The following LDLRAD3 variants were observed in gnomAD, a reference collection of about 807,000 sequenced individuals.
The protein encoded by LDLRAD3 is low-density lipoprotein receptor class A domain-containing protein 3.
In LDLRAD3, 20 loss-of-function variants were observed where a neutral mutation model predicts 29.4. The ratio of observed to expected loss-of-function variants is 0.68; its 90% CI spans 0.48 to 0.99. The LOEUF (loss-of-function observed/expected upper bound fraction) is 0.99, where lower values mean the gene tolerates loss of function less well. Among genes scored for constraint, LDLRAD3 ranks in the 50% least tolerant of loss-of-function variants. LDLRAD3 has a pLI of 0.00. For missense variants in LDLRAD3, 420 were observed against 454.3 expected (o/e 0.92, Z 0.69); for synonymous variants, 157 against 192.7 (o/e 0.81, Z 1.53).
intron 4 of LDLRAD3, among the ~76,000 whole-genome samples, chr11:36,180,282 G>A (rs1331123929): frequency 6.6e-6 from 1 of 150,468 alleles, no homozygotes; most frequent in Non-Finnish European, 1.5e-5. Context: ...AGTTGCAGAG[G>A]TCACAACTGC....
chr11:36,119,317 T>C (rs1434457314), intron 4 of LDLRAD3, among the ~76,000 whole-genome samples: 3 of 152,232 alleles, frequency 2.0e-5, no homozygotes, highest in Non-Finnish European at 4.4e-5. Flanking sequence ...TCATTTCTCA[T>C]GAGTTTATAC....
intron 4 of LDLRAD3, among the ~76,000 whole-genome samples, chr11:36,159,228 A>G (rs1355844404): frequency 6.6e-6 from 1 of 152,166 alleles, no homozygotes; most frequent in Non-Finnish European, 1.5e-5. Flanking sequence ...AGCACTTAGG[A>G]CACGAAGGCC....
At chr11:36,129,374 C>G (rs1853890709) in intron 4 of LDLRAD3, among the ~76,000 whole-genome samples, 1 of 152,124 alleles carries the variant, frequency 6.6e-6, no homozygotes. Context: ...GTCTGGGATT[C>G]CCTGTGAAAT....
intron 4 of LDLRAD3, among the ~76,000 whole-genome samples, chr11:36,155,560 A>T (rs1854336129): frequency 6.6e-6 from 1 of 152,224 alleles, no homozygotes; most frequent in Non-Finnish European, 1.5e-5. Flanking sequence ...GACCTTGAGC[A>T]AGTGGCTTAA....
chr11:36,116,493 C>A (rs1768835586), intron 4 of LDLRAD3, among the ~76,000 whole-genome samples: 1 of 152,042 alleles, frequency 6.6e-6, no homozygotes, highest in Non-Finnish European at 1.5e-5. Flanking sequence ...TATAATAACT[C>A]CCCCAATTGT....
intron 4 of LDLRAD3, among the ~76,000 whole-genome samples, chr11:36,157,305 T>C (rs1854368398): frequency 6.6e-6 from 1 of 152,054 alleles, no homozygotes; most frequent in African/African-American, 2.4e-5. Flanking sequence ...GTCCAAAAAC[T>C]CAAAATGAGT....
At chr11:36,177,988 G>T (rs1854703586) in intron 4 of LDLRAD3, among the ~76,000 whole-genome samples, 1 of 152,164 alleles carries the variant, frequency 6.6e-6, no homozygotes, top group African/African-American at 2.4e-5. Flanking sequence ...CATGGAGTTT[G>T]CAGTGGCAAG....
At chr11:36,087,043 G>A (rs1853206679) in intron 3 of LDLRAD3, among the ~76,000 whole-genome samples, 2 of 152,144 alleles carry the variant, frequency 1.3e-5, no homozygotes, top group African/African-American at 2.4e-5. Flanking sequence ...TTCAGGGACA[G>A]GGGAATATGT....
intron 1 of LDLRAD3, among the ~76,000 whole-genome samples, chr11:35,960,263 A>G (rs1401690915): frequency 2.0e-5 from 3 of 152,220 alleles, no homozygotes; most frequent in Admixed American, 2.0e-4. Flanking sequence ...ATATCCTATT[A>G]TATGAATATA....
At chr11:36,113,298 T>C (rs1275577085) in intron 4 of LDLRAD3, among the ~76,000 whole-genome samples, 2 of 152,066 alleles carry the variant, frequency 1.3e-5, no homozygotes, top group Non-Finnish European at 2.9e-5. Context: ...AAAAGATCTC[T>C]CACTTGGAAT....
chr11:36,025,774 A>ATTTTTTTTTTTTTTTTTTTTTTTTTTTG (rs754006718), intron 1 of LDLRAD3, among the ~76,000 whole-genome samples: 1 of 84,416 alleles, frequency 1.2e-5, no homozygotes, highest in Non-Finnish European at 2.3e-5. Context: ...CCTGAATTTG[A>ATTTTTTTTTTTTTTTTTTTTTTTTTTTG]TTTTTTTTTT....
chr11:35,953,767 G>A (rs1851167305), intron 1 of LDLRAD3, among the ~76,000 whole-genome samples: 1 of 151,904 alleles, frequency 6.6e-6, no homozygotes, highest in African/African-American at 2.4e-5. Context: ...AGCAACATAG[G>A]GTATTTCATC....
At chr11:36,023,026 C>T (rs1027725836) in intron 1 of LDLRAD3, among the ~76,000 whole-genome samples, 7 of 152,176 alleles carry the variant, frequency 4.6e-5, no homozygotes, top group Non-Finnish European at 7.3e-5. Context: ...GGCCTGTCGT[C>T]GTGCTCAGGA....
chr11:36,107,935 A>G (rs1323583513), intron 4 of LDLRAD3, among the ~76,000 whole-genome samples: 3 of 152,216 alleles, frequency 2.0e-5, no homozygotes, highest in East Asian at 1.9e-4. Context: ...AATGCCATCT[A>G]TTGTAAGAGC....
chr11:36,020,116 G>T (rs1245313657), intron 1 of LDLRAD3, among the ~76,000 whole-genome samples: 1 of 152,122 alleles, frequency 6.6e-6, no homozygotes, highest in Non-Finnish European at 1.5e-5. Context: ...ACCTGCCAAA[G>T]TTGCAGTATG....
At chr11:36,095,022 C>A (rs1238950094) in intron 3 of LDLRAD3, among the ~76,000 whole-genome samples, 1 of 151,548 alleles carries the variant, frequency 6.6e-6, no homozygotes, top group African/African-American at 2.4e-5. Flanking sequence ...CCTGTCTCTA[C>A]AAAACATTAA....
At chr11:36,039,350 C>T (rs929647219) in intron 2 of LDLRAD3, among the ~76,000 whole-genome samples, 10 of 152,136 alleles carry the variant, frequency 6.6e-5, no homozygotes, top group Middle Eastern at 3.2e-3. Flanking sequence ...AAAATCAGAG[C>T]CCTTCTTCCC....
rs1006076363 is a variant in LDLRAD3, at chr11:36,066,386, G to A, written c.194-15267G>A. ...GTAGTGAAAAGCCTCCAGAGGCTCA[G>A]TTACCTAACCCACATTTATTTATTA... On this transcript the variant is annotated intron_variant, in intron 2 of 5. Coordinates refer to ENST00000315571, the MANE Select transcript of LDLRAD3 (RefSeq NM_174902.4). 3.9e-5 allele frequency among the ~76,000 whole-genome samples: 6 copies of A among 152,268 alleles called. No homozygotes were observed. In the South Asian group the frequency reaches 1.2e-3, roughly 32 times the overall value.
chr11:36,043,174 T>C (rs1852404444), intron 2 of LDLRAD3, among the ~76,000 whole-genome samples: 1 of 152,140 alleles, frequency 6.6e-6, no homozygotes, highest in South Asian at 2.1e-4. Context: ...TAGCTAGATG[T>C]GTTGGCGGGA....
Sources: gnomAD v4.1 joint callset for allele counts (sites outside exome capture counted in the v4.1 genomes callset) on GRCh38, gnomAD v4.1.1 for gene constraint, MANE v1.5 for transcripts, NCBI Gene and HGNC (gene_info 2026-07-23, HGNC 2026-07-21) for gene names.